The following TMEM269 variants were observed in gnomAD, a reference collection of about 807,000 sequenced individuals.
TMEM269 encodes transmembrane protein 269.
TMEM269 carries 12 observed loss-of-function variants against 15.8 expected under a neutral mutation model. The observed-to-expected ratio is 0.76, with a 90% confidence interval of 0.49 to 1.23. The LOEUF (loss-of-function observed/expected upper bound fraction) is 1.23. TMEM269 is among the 50% of genes most tolerant of loss of function. TMEM269 has a pLI of 0.00. For synonymous variants in TMEM269, 93 were observed against 99.3 expected (o/e 0.94, Z 0.38); for missense variants, 211 against 245.4 (o/e 0.86, Z 0.94).
In TMEM269 at chr1:42,797,849, T is replaced by C. The variant is rs1163379614; in HGVS notation, c.485-249T>C. 1 of 642,670 alleles carries C rather than the reference T, an allele frequency of 1.6e-6. No homozygotes were observed. Among genetic ancestry groups the C allele is most frequent in the Non-Finnish European group, 3.0e-6 (1 of 338,670 alleles). 39.8% of individuals were successfully genotyped at this position (642,670 alleles called of 1,614,324 possible). A position where few individuals can be genotyped will look rare whatever the true frequency, so the allele number is the denominator to read the frequency against. On this transcript the variant is annotated intron_variant, in intron 5 of 5. Coordinates refer to ENST00000637012, the MANE Select transcript of TMEM269 (RefSeq NM_001354602.2). The surrounding 1 kb of genome is among the most constrained non-coding windows in gnomAD (Gnocchi z 4.9). ...TAACAAAGGCAATTCAGATTTATTA[T>C]TGGCTGGAACTTCTGATGTGAATTT... is the stretch of plus-strand genomic sequence containing the variant.
At chr1:42,787,234 C>A (rs1251028608) in intron 1 of TMEM269, among the ~76,000 whole-genome samples, 1 of 152,222 alleles carries the variant, frequency 6.6e-6, no homozygotes, top group African/African-American at 2.4e-5. Flanking sequence ...TGTTCTGCCA[C>A]TTCTGGTGTG....
chr1:42,789,978 A>C, intron 2 of TMEM269, 44 bp downstream of exon 2: 2 of 1,405,162 alleles, frequency 1.4e-6, no homozygotes, highest in Non-Finnish European at 2.0e-6. Context: ...AGCTGGAGCC[A>C]ATGGCATGCG....
chr1:42,786,619 C>CA (rs1653546379), intron 1 of TMEM269, among the ~76,000 whole-genome samples: 1 of 152,234 alleles, frequency 6.6e-6, no homozygotes, highest in Non-Finnish European at 1.5e-5. Context: ...TGCCAAGCCT[C>CA]AGCCCTCGCC....
In TMEM269 at chr1:42,789,789, G is replaced by C. The variant is rs777708489; in HGVS notation, c.-98-7G>C. 6.9e-7 allele frequency: 1 copy of C among 1,456,882 alleles called. No homozygotes were observed. Among genetic ancestry groups the C allele is most frequent in the Non-Finnish European group, 9.4e-7 (1 of 1,061,434 alleles). The allele number at this position is 1,456,882 out of a possible 1,614,324, so 90.2% of individuals were successfully genotyped here. ...GGAACCCTTCGCCCCTCTCTCTTGG[G>C]CCCCAGGTAAGGGTACCAGTTTCTT... is the stretch of plus-strand genomic sequence containing the variant. On this transcript the variant is annotated splice_polypyrimidine_tract_variant and splice_region_variant and intron_variant, in intron 1 of 5. Coordinates refer to ENST00000637012, the MANE Select transcript of TMEM269 (RefSeq NM_001354602.2).
intron 4 of TMEM269, 33 bp downstream of exon 4, chr1:42,793,777 G>A (rs1162025573): frequency 3.9e-6 from 6 of 1,544,408 alleles, no homozygotes; most frequent in Middle Eastern, 1.7e-4. Context: ...TAGAACAGAG[G>A]GCAGGGGAGC....
rs1432282469 is a variant in TMEM269 at position 42,800,461 on chromosome 1, TGCATACATGAA to T, written c.*2239_*2249del. 2 of 152,336 alleles carry T rather than the reference TGCATACATGAA, an allele frequency of 1.3e-5. No individual in the cohort carries two copies. The highest frequency in any genetic ancestry group is 3.9e-4 in the East Asian group (2 of 5,180). 9.4% of individuals were successfully genotyped at this position (152,336 alleles called of 1,614,324 possible). ...GACTTTAAAATCTGCACTTCTCAAATGCATACATGAAGCCAGTGGGGTTTAGGCAGTTCTCT... is the reference window on the plus strand; with the variant it reads ...GACTTTAAAATCTGCACTTCTCAAATGCCAGTGGGGTTTAGGCAGTTCTCT... On this transcript the variant is annotated 3_prime_UTR_variant, in exon 6 of 6. Coordinates refer to ENST00000637012, the MANE Select transcript of TMEM269 (RefSeq NM_001354602.2).
chr1:42,789,826 A>G lies in TMEM269; in HGVS notation c.-68A>G, dbSNP rs1373304687. On this transcript the variant is annotated 5_prime_UTR_variant, in exon 2 of 6. Transcript: ENST00000637012. ...GGTACCAGTTTCTTCCTGAGCCATG[A>G]CCAGAGCCATTCCCAGATAAATGAG... 1 of 1,549,346 alleles carries G rather than the reference A, an allele frequency of 6.5e-7. No homozygotes were observed. Among genetic ancestry groups the G allele is most frequent in the Admixed American group, 2.0e-5 (1 of 50,998 alleles).
At position 42,792,891 on chromosome 1, in the gene TMEM269, G is replaced by T; in HGVS notation, c.128G>T (p.Cys43Phe). The T allele has an allele frequency of 6.4e-7, 1 of 1,550,482 alleles. No individual in the cohort carries two copies. The highest frequency in any genetic ancestry group is 2.4e-5 in the East Asian group (1 of 40,918). Residue 43 changes from cysteine (C) to phenylalanine (F), a missense_variant, in exon 3 of 6, where the codon TGC becomes TTC. By Grantham distance (205) the Cys-to-Phe change is radical (BLOSUM62 -2). Transcript: ENST00000637012. ...GCAATGACCAGCCACATCAACATAT[G>T]CTCCAAATTGGGTGAGTTCAGGCCC... ...VRAMTSHINI[C>F]SKLGAELNDF... is the part of the protein sequence containing the mutation.
chr1:42,798,032 T>C (rs765056030), intron 5 of TMEM269, 66 bp from the exon 6 acceptor site: 23 of 1,532,132 alleles, frequency 1.5e-5, no homozygotes, highest in Non-Finnish European at 2.0e-5. Context: ...GACGGGAGAG[T>C]AGAGGGTAGA....
At chr1:42,789,360 G>A in intron 1 of TMEM269, 1 of 1,349,718 alleles carries the variant, frequency 7.4e-7, no homozygotes, top group Non-Finnish European at 1.0e-6. Context: ...TTGGACTGTG[G>A]GACAACAGGG....
At chr1:42,789,333 C>T in intron 1 of TMEM269, 2 of 1,025,656 alleles carry the variant, frequency 1.9e-6, no homozygotes, top group Non-Finnish European at 2.9e-6. Flanking sequence ...CAGCCCTGTG[C>T]TTCAGAAGGA....
chr1:42,792,999 A>G (rs1557592561), intron 3 of TMEM269, 97 bp downstream of exon 3: 2 of 950,934 alleles, frequency 2.1e-6, no homozygotes, highest in East Asian at 5.2e-5. Flanking sequence ...GGCCTTCATC[A>G]GGCATCCACC....
intron 1 of TMEM269, among the ~76,000 whole-genome samples, chr1:42,786,848 C>T (rs1653550014): frequency 6.6e-6 from 1 of 152,240 alleles, no homozygotes; most frequent in Admixed American, 6.5e-5. Context: ...TTGTCCTCTA[C>T]AGCCCTTACT....
intron 5 of TMEM269, among the ~76,000 whole-genome samples, chr1:42,796,121 T>A (rs911106840): frequency 8.5e-5 from 13 of 152,212 alleles, no homozygotes; most frequent in Admixed American, 5.9e-4. Context: ...TTGCAGGATT[T>A]CTGAGATTAA....
chr1:42,795,672 C>T (rs1353652929), intron 5 of TMEM269, among the ~76,000 whole-genome samples: 2 of 152,346 alleles, frequency 1.3e-5, no homozygotes, highest in East Asian at 3.9e-4. Flanking sequence ...TTCCTGGTCA[C>T]ACTGGGGCCT....
chr1:42,788,599 G>A lies in TMEM269; in HGVS notation c.-98-1197G>A, dbSNP rs79083955. On this transcript the variant is annotated intron_variant, in intron 1 of 5. Coordinates refer to ENST00000637012, the MANE Select transcript of TMEM269 (RefSeq NM_001354602.2). This position sits in a 1 kb window ranked among gnomAD's most constrained non-coding sequence, Gnocchi z 4.0. ...GAGCACTGGGGGGCCTGGGCTGGAC[G>A]GTCCCACACACACAGGGAGGCTGCT... Among the ~76,000 whole-genome samples, 6 of 152,250 alleles carry A rather than the reference G, an allele frequency of 3.9e-5. No individual in the cohort carries two copies. The highest frequency in any genetic ancestry group is 1.4e-4 in the African/African-American group (6 of 41,552).
chr1:42,797,242 G>C lies in TMEM269; in HGVS notation c.485-856G>C, dbSNP rs533975790. Among the ~76,000 whole-genome samples, 1 of 152,278 alleles carries C rather than the reference G, an allele frequency of 6.6e-6. No individual in the cohort carries two copies. The highest frequency in any genetic ancestry group is 2.4e-5 in the African/African-American group (1 of 41,550). On this transcript the variant is annotated intron_variant, in intron 5 of 5. Transcript: ENST00000637012. This position sits in a 1 kb window ranked among gnomAD's most constrained non-coding sequence, Gnocchi z 4.9. Reference sequence around the variant, plus strand: ...CTCAGCTTGTTGTACTCATGGCTAAGATTGATTTCAGCAAAAGGATGTAAA... The same window carrying C: ...CTCAGCTTGTTGTACTCATGGCTAACATTGATTTCAGCAAAAGGATGTAAA...
chr1:42,785,515 C>G (rs1430964797), intron 1 of TMEM269, among the ~76,000 whole-genome samples: 2 of 152,208 alleles, frequency 1.3e-5, no homozygotes, highest in Non-Finnish European at 2.9e-5. Flanking sequence ...CTCGCCCCCA[C>G]CCCCGTCTCC....
chr1:42,787,639 C>T (rs926119291), intron 1 of TMEM269, among the ~76,000 whole-genome samples: 4 of 143,170 alleles, frequency 2.8e-5, no homozygotes, highest in African/African-American at 5.2e-5. Context: ...AAAAAAAGAA[C>T]CCTTGCCTGA....
Sources: allele counts gnomAD v4.1 joint callset (sites outside exome capture counted in the v4.1 genomes callset), GRCh38; gene constraint gnomAD v4.1.1; non-coding constraint Gnocchi (gnomAD v3.1); transcripts MANE v1.5; gene names NCBI Gene and HGNC (gene_info 2026-07-23, HGNC 2026-07-21).